Variants in SLC38A10 observed in about 807,000 individuals in gnomAD.
The protein encoded by SLC38A10 is Sodium-coupled neutral amino acid transporter 10.
In SLC38A10, 53 loss-of-function variants were observed where a neutral mutation model predicts 81.0. The observed-to-expected ratio is 0.65, with a 90% CI of 0.53 to 0.82. The LOEUF is 0.82. Ranked by LOEUF, SLC38A10 falls within the 40% of genes least tolerant of loss-of-function variation. The pLI is 0.00. For missense variants in SLC38A10, 1,471 were observed against 1,545.0 expected (o/e 0.95, Z 0.80); for synonymous variants, 665 against 655.3 (o/e 1.01, Z -0.23).
intron 11 of SLC38A10, among the ~76,000 whole-genome samples, chr17:81,255,960 C>G (rs950843824): frequency 6.6e-6 from 1 of 152,048 alleles, no homozygotes; most frequent in Admixed American, 6.5e-5. Flanking sequence ...CCAGCCTGGG[C>G]GACAGAGCGA....
At chr17:81,279,151 C>A (rs926509801) in intron 6 of SLC38A10, among the ~76,000 whole-genome samples, 1 of 152,328 alleles carries the variant, frequency 6.6e-6, no homozygotes, top group East Asian at 1.9e-4. Context: ...TGCCCCTCTG[C>A]CCTACTGTGA....
chr17:81,294,036 C>T (rs1175683625), intron 1 of SLC38A10, among the ~76,000 whole-genome samples: 2 of 151,778 alleles, frequency 1.3e-5, no homozygotes, highest in African/African-American at 4.8e-5. Flanking sequence ...GTTTTTGAGA[C>T]GGAGTCTCCC....
At position 81,252,231 on chromosome 17, in the gene SLC38A10, C is replaced by G. The variant is rs747060099; in HGVS notation, c.1909G>C (p.Gly637Arg). The G allele has an allele frequency of 6.5e-7, 1 of 1,540,560 alleles. No homozygotes were observed. Among genetic ancestry groups the G allele is most frequent in the Non-Finnish European group, 8.7e-7 (1 of 1,146,862 alleles). ...KGGPPPGNAAGDTGQPAEDSD... is the reference protein window; with the variant it reads ...KGGPPPGNAARDTGQPAEDSD... ...TCCTCTGCGGGCTGCCCTGTGTCCC[C>G]GGCGGCGTTGCCTGGCGGCGGTCCC... The change falls in exon 13 of 16, where the codon GGG becomes CGG. Residue 637 changes from glycine (G) to arginine (R), a missense_variant. Gly to Arg is a moderately radical substitution (Grantham distance 125). Around this residue, in one of 2 missense-constraint regions of SLC38A10, gnomAD observed 751 missense variants for 717.4 expected, o/e 1.05. Transcript: ENST00000374759.
At chr17:81,291,995 TCGTC>T (rs1173730789) in intron 1 of SLC38A10, among the ~76,000 whole-genome samples, 1 of 152,166 alleles carries the variant, frequency 6.6e-6, no homozygotes. Flanking sequence ...ACGGGTTTGC[TCGTC>T]ATATGAAAAT....
At chr17:81,254,675 A>T (rs2062956249) in intron 11 of SLC38A10, among the ~76,000 whole-genome samples, 1 of 152,118 alleles carries the variant, frequency 6.6e-6, no homozygotes, top group South Asian at 2.1e-4. Flanking sequence ...CAAACTCCTG[A>T]CCTCAAGTGA....
At position 81,283,558 on chromosome 17, in the gene SLC38A10, G is replaced by A. The variant is rs2063235613; in HGVS notation, c.264-56C>T. 2 of 1,414,032 alleles carry A rather than the reference G, an allele frequency of 1.4e-6. No homozygotes were observed. The highest frequency in any genetic ancestry group is 3.7e-5 in the Admixed American group (2 of 53,690). 87.6% of individuals were successfully genotyped at this position (1,414,032 alleles called of 1,614,324 possible). On this transcript the variant is annotated intron_variant, in intron 3 of 15. Transcript: ENST00000374759. The surrounding 1 kb of genome is among the most constrained non-coding windows in gnomAD (Gnocchi z 4.7). Reference sequence around the variant, plus strand: ...CATCAGGGCAAGCTGGCACACACCTGGGCTGCCGCCAGGGACTACCCCAAG... The same window carrying A: ...CATCAGGGCAAGCTGGCACACACCTAGGCTGCCGCCAGGGACTACCCCAAG...
chr17:81,250,809 T>C, intron 14 of SLC38A10: 1 of 999,802 alleles, frequency 1.0e-6, no homozygotes. Flanking sequence ...GCTACCCAAC[T>C]GCATGAGGCC....
chr17:81,260,226 G>T lies in SLC38A10; in HGVS notation c.1288+12C>A. 6.3e-7 allele frequency: 1 copy of T among 1,594,956 alleles called. No individual in the cohort carries two copies. The highest frequency in any genetic ancestry group is 8.5e-7 in the Non-Finnish European group (1 of 1,171,626). On this transcript the variant is annotated intron_variant, in intron 11 of 15. Coordinates refer to ENST00000374759, the MANE Select transcript of SLC38A10 (RefSeq NM_001037984.3). ...TGCCCTGAGAAGGCTCAGAGAGCCAGGGTGGGCATACCTGAGAGCCGCGCT... is the reference window on the plus strand; with the variant it reads ...TGCCCTGAGAAGGCTCAGAGAGCCATGGTGGGCATACCTGAGAGCCGCGCT...
chr17:81,251,862 C>T lies in SLC38A10; in HGVS notation c.1946-250G>A, dbSNP rs1598379964. 1.1e-5 allele frequency: 6 copies of T among 534,480 alleles called. No individual in the cohort carries two copies. In the East Asian group the frequency reaches 1.9e-4, roughly 17 times the overall value. The allele number at this position is 534,480 out of a possible 1,614,324, so 33.1% of individuals were successfully genotyped here. A position where few individuals can be genotyped will look rare whatever the true frequency, so the allele number is the denominator to read the frequency against. ...TTCGCAATTAAAATGCAAGAACTGT[C>T]CTAAGCAGCTCTTAGACGGGCACTT... On this transcript the variant is annotated intron_variant, in intron 13 of 15. Transcript: ENST00000374759.
rs907482872 is a variant in SLC38A10 at position 81,283,889 on chromosome 17, C to T, written c.264-387G>A. On this transcript the variant is annotated intron_variant, in intron 3 of 15. Coordinates refer to ENST00000374759, the MANE Select transcript of SLC38A10 (RefSeq NM_001037984.3). This position sits in a 1 kb window ranked among gnomAD's most constrained non-coding sequence, Gnocchi z 4.7. ...CCTCCCAAAGTGCTGGGATTACAGG[C>T]GTGAGCCACTGTGCCTGGCCAACAG... 1.3e-5 allele frequency among the ~76,000 whole-genome samples: 2 copies of T among 151,512 alleles called. No homozygotes were observed. Among genetic ancestry groups the T allele is most frequent in the African/African-American group, 2.4e-5 (1 of 41,316 alleles).
chr17:81,249,202 G>A (rs1436003594), intron 14 of SLC38A10, among the ~76,000 whole-genome samples: 2 of 143,782 alleles, frequency 1.4e-5, no homozygotes, highest in Non-Finnish European at 3.0e-5. Context: ...AGGGAGGAGG[G>A]GGAGGGGGAG....
At chr17:81,247,129 G>A (rs2062859873) in intron 14 of SLC38A10, 68 bp from the exon 15 acceptor site, 26 of 1,472,844 alleles carry the variant, frequency 1.8e-5, no homozygotes, top group South Asian at 2.7e-5. Context: ...CAGGGACGGC[G>A]CGGCCCACAG....
chr17:81,259,025 G>A (rs1448091264), intron 11 of SLC38A10, among the ~76,000 whole-genome samples: 6 of 152,232 alleles, frequency 3.9e-5, no homozygotes, highest in East Asian at 3.8e-4. Context: ...AGTGTCCCTC[G>A]GGGCAGTTTG....
At chr17:81,272,018 C>A (rs993828496) in intron 9 of SLC38A10, among the ~76,000 whole-genome samples, 2 of 151,904 alleles carry the variant, frequency 1.3e-5, no homozygotes, top group Admixed American at 6.6e-5. Flanking sequence ...TGAGCCACTG[C>A]GCCCAGCAAG....
At chr17:81,287,547 C>T (rs917068354) in intron 2 of SLC38A10, among the ~76,000 whole-genome samples, 6 of 152,212 alleles carry the variant, frequency 3.9e-5, no homozygotes, top group African/African-American at 1.2e-4. Context: ...CCGGAGCTCA[C>T]GCAGTGGAAC....
rs1307313060 is a variant in SLC38A10 at position 81,294,862 on chromosome 17, T to C, written c.60A>G (p.Val20=). 6.3e-7 allele frequency: 1 copy of C among 1,599,220 alleles called. No individual in the cohort carries two copies. The change falls in exon 1 of 16, where the codon GTA becomes GTG. Residue 20 remains valine, a synonymous_variant. Coordinates refer to ENST00000374759, the MANE Select transcript of SLC38A10 (RefSeq NM_001037984.3). ...AGGGCATGGTGAGGACACTGACCCC[T>C]ACGATGCTGTTCACGATGTTCGTGA... is the stretch of plus-strand genomic sequence containing the variant. ...GLITNIVNSI[V]GVSVLTMPFC...
chr17:81,291,640 C>T (rs1348500865), intron 1 of SLC38A10, among the ~76,000 whole-genome samples: 1 of 152,194 alleles, frequency 6.6e-6, no homozygotes, highest in Non-Finnish European at 1.5e-5. Flanking sequence ...ATGGCAGCTC[C>T]AGAGCGGAGC....
chr17:81,251,037 C>A, intron 14 of SLC38A10: 2 of 1,429,910 alleles, frequency 1.4e-6, no homozygotes, highest in Non-Finnish European at 1.8e-6. Flanking sequence ...CCAGGGCGGG[C>A]ACAGCCACCC....
intron 10 of SLC38A10, among the ~76,000 whole-genome samples, chr17:81,262,173 C>T (rs1193311578): frequency 6.6e-6 from 1 of 152,192 alleles, no homozygotes. Flanking sequence ...ATGGCCGTGG[C>T]TTAGAGGCCT....
Sources: gnomAD v4.1 joint callset for allele counts (sites outside exome capture counted in the v4.1 genomes callset) on GRCh38, gnomAD v4.1.1 for gene constraint, gnomAD v4.1.1 regional missense constraint, Gnocchi (gnomAD v3.1) non-coding constraint, MANE v1.5 for transcripts, NCBI Gene and HGNC (gene_info 2026-07-23, HGNC 2026-07-21) for gene names.